Variants in PCDHA6 observed in about 807,000 individuals in gnomAD.
The protein encoded by PCDHA6 is protocadherin alpha 6, also known as protocadherin alpha-6.
A neutral mutation model predicts 60.3 loss-of-function variants in PCDHA6; 55 were observed. The observed-to-expected ratio is 0.91, with a 90% confidence interval of 0.73 to 1.14. The LOEUF is 1.14. PCDHA6 is among the 50% of genes most tolerant of loss of function. The probability of loss-of-function intolerance (pLI) is 0.00; values close to 1 mark genes in which losing one functional copy is unlikely to be tolerated. For synonymous variants in PCDHA6, 652 were observed against 557.9 expected, an observed-to-expected ratio of 1.17 and a Z score of -2.38; for missense variants, 1,327 against 1,256.5, an observed-to-expected ratio of 1.06 and a Z score of -0.85.
At chr5:140,968,008 CT>C (rs782634586) in intron 1 of PCDHA6, 1 of 1,614,202 alleles carries the variant, frequency 6.2e-7, no homozygotes, top group Non-Finnish European at 8.5e-7. Context: ...GACTGAATGG[CT>C]TTGGAAACTC....
At chr5:140,962,781 T>A (rs1466674099) in intron 1 of PCDHA6, among the ~76,000 whole-genome samples, 1 of 152,228 alleles carries the variant, frequency 6.6e-6, no homozygotes, top group African/African-American at 2.4e-5. Context: ...ATGGAATTTT[T>A]AAAAACTACT....
intron 1 of PCDHA6, among the ~76,000 whole-genome samples, chr5:140,937,010 C>A (rs2091260078): frequency 6.6e-6 from 1 of 151,324 alleles, no homozygotes; most frequent in Non-Finnish European, 1.5e-5. Context: ...GACAGACAAC[C>A]GATTAACAAG....
chr5:140,997,668 T>TTGTGTGTG lies in PCDHA6; in HGVS notation c.2543-11937_2543-11930dup, dbSNP rs35184029. 2.7e-3 allele frequency among the ~76,000 whole-genome samples: 400 copies of TTGTGTGTG among 148,342 alleles called. 5 individuals carry two copies. The East Asian group carries it at 0.038, about 14-fold the overall frequency. The stretch of plus-strand genomic sequence containing the variant: ...AATGCAATATGTATTATTATACAGC[T>TTGTGTGTG]TGTGTGTGTGTGTGTGTGTGTGTGT... On this transcript the variant is annotated intron_variant, in intron 3 of 3. Transcript: ENST00000529310.
chr5:140,991,019 T>G (rs1333119856), intron 3 of PCDHA6, among the ~76,000 whole-genome samples: 1 of 152,178 alleles, frequency 6.6e-6, no homozygotes, highest in Non-Finnish European at 1.5e-5. Flanking sequence ...GATAAGCACT[T>G]TACATATGTT....
chr5:140,831,811 G>A (rs1771711397), intron 1 of PCDHA6, among the ~76,000 whole-genome samples: 1 of 152,006 alleles, frequency 6.6e-6, no homozygotes, highest in African/African-American at 2.4e-5. Flanking sequence ...CTGTAAAGTT[G>A]GAATGATAAA....
Position 140,926,930 on chromosome 5 carries a change from T to A in PCDHA6, c.2395-52019T>A, listed in dbSNP as rs1554203828. On this transcript the variant is annotated intron_variant, in intron 1 of 3. Coordinates refer to ENST00000529310, the MANE Select transcript of PCDHA6 (RefSeq NM_018909.4). ...GGGGTGGCAGTTTTATGTTTGTGGG[T>A]TTCCTGCGGCGCTGCAGCGGGACAG... 6 of 1,575,058 alleles carry A rather than the reference T, an allele frequency of 3.8e-6. No individual in the cohort carries two copies. The East Asian group carries it at 1.4e-4, about 35-fold the overall frequency.
intron 1 of PCDHA6, chr5:140,870,270 G>C (rs139719896): frequency 0.022 from 34,719 of 1,614,158 alleles, 446 homozygotes; most frequent in African/African-American, 0.029. Flanking sequence ...GCTCGCTGAC[G>C]CCCCACGTTC....
chr5:140,956,904 G>A lies in PCDHA6; in HGVS notation c.2395-22045G>A, dbSNP rs182022057. ...TATCAATGAATGAATATTCTTAAAT[G>A]TATAAACTTTAATCTTGCTGGATAT... On this transcript the variant is annotated intron_variant, in intron 1 of 3. Transcript: ENST00000529310. Among the ~76,000 whole-genome samples, 178 of 152,232 alleles carry A rather than the reference G, an allele frequency of 1.2e-3. 1 individual carries two copies. Among genetic ancestry groups the A allele is most frequent in the African/African-American group, 3.9e-3 (163 of 41,538 alleles).
At chr5:140,842,107 C>CA (rs1468350486) in intron 1 of PCDHA6, 1 of 1,613,738 alleles carries the variant, frequency 6.2e-7, no homozygotes, top group Non-Finnish European at 8.5e-7. Context: ...CAACAGTTAT[C>CA]AAACTGAATG....
At chr5:140,834,256 T>A in intron 1 of PCDHA6, 1 of 945,884 alleles carries the variant, frequency 1.1e-6, no homozygotes, top group South Asian at 1.7e-5. Flanking sequence ...GGAAAGACGC[T>A]CCACTCTCTT....
intron 1 of PCDHA6, chr5:140,877,773 G>A (rs1554170103): frequency 2.5e-6 from 4 of 1,614,166 alleles, no homozygotes; most frequent in South Asian, 2.2e-5. Flanking sequence ...CGCCCAAGAC[G>A]GACCTCATGG....
chr5:140,958,084 T>C (rs2095408627), intron 1 of PCDHA6, among the ~76,000 whole-genome samples: 1 of 152,110 alleles, frequency 6.6e-6, no homozygotes, highest in African/African-American at 2.4e-5. Flanking sequence ...AAAAGTAAAG[T>C]TGTACAATAG....
intron 1 of PCDHA6, among the ~76,000 whole-genome samples, chr5:140,873,949 C>G (rs1161044001): frequency 1.3e-5 from 2 of 152,218 alleles, no homozygotes; most frequent in Non-Finnish European, 1.5e-5. Flanking sequence ...GTGTAAGTCA[C>G]TGAGCCCAGC....
chr5:141,003,258 G>T (rs1029666608), intron 3 of PCDHA6, among the ~76,000 whole-genome samples: 1 of 152,240 alleles, frequency 6.6e-6, no homozygotes, highest in Admixed American at 6.5e-5. Flanking sequence ...TTCCTGGGCA[G>T]TGCCTAAGGG....
chr5:140,836,650 A>T (rs1426602429), intron 1 of PCDHA6: 1 of 1,613,394 alleles, frequency 6.2e-7, no homozygotes, highest in African/African-American at 1.3e-5. Flanking sequence ...CAGAGGCGGC[A>T]GAGGGTGTGC....
At chr5:140,876,473 G>C in intron 1 of PCDHA6, 7 of 1,614,038 alleles carry the variant, frequency 4.3e-6, no homozygotes, top group African/African-American at 2.7e-5. Flanking sequence ...GCAGGTCACA[G>C]CATGGTCCTG....
chr5:140,987,266 C>T (rs2097244603), intron 3 of PCDHA6, among the ~76,000 whole-genome samples: 1 of 151,752 alleles, frequency 6.6e-6, no homozygotes, highest in African/African-American at 2.4e-5. Context: ...AGGAATGGGA[C>T]CCGGCAGTCT....
chr5:140,951,683 A>G (rs1389313679), intron 1 of PCDHA6, among the ~76,000 whole-genome samples: 1 of 152,160 alleles, frequency 6.6e-6, no homozygotes, highest in Non-Finnish European at 1.5e-5. Flanking sequence ...TGGGGATTAC[A>G]ATGTGACATG....
chr5:140,855,032 A>AT (rs2043313669), intron 1 of PCDHA6, among the ~76,000 whole-genome samples: 1 of 149,732 alleles, frequency 6.7e-6, no homozygotes, highest in Non-Finnish European at 1.5e-5. Flanking sequence ...TGTATAAAGG[A>AT]TTTTTCTGTA....
Sources: allele counts gnomAD v4.1 joint callset (sites outside exome capture counted in the v4.1 genomes callset), GRCh38; gene constraint gnomAD v4.1.1; transcripts MANE v1.5; gene names NCBI Gene and HGNC (gene_info 2026-07-23, HGNC 2026-07-21).